BCL9: variants seen among roughly 807,000 people sequenced by gnomAD.
BCL9 encodes the protein B-cell CLL/lymphoma 9 protein.
Under a neutral mutation model 88.5 loss-of-function variants are expected in BCL9, and 25 were observed. That is an observed-to-expected ratio of 0.28 (90% CI 0.21 to 0.39). The LOEUF is 0.39. BCL9 is among the 10% of genes least tolerant of loss of function. The pLI, the probability that BCL9 is intolerant of heterozygous loss-of-function variation, is 1.00. For synonymous variants in BCL9, 711 were observed against 673.3 expected (o/e 1.06, Z -0.87); for missense variants, 1,817 against 1,877.8 (o/e 0.97, Z 0.60).
intron 1 of BCL9, among the ~76,000 whole-genome samples, chr1:147,603,099 C>G (rs1378590986): frequency 1.3e-5 from 2 of 152,252 alleles, no homozygotes; most frequent in Non-Finnish European, 2.9e-5. Context: ...TAGCCCAACT[C>G]TTCCAATTTC....
chr1:147,617,694 A>C (rs1319583298), intron 7 of BCL9, among the ~76,000 whole-genome samples: 2 of 152,236 alleles, frequency 1.3e-5, no homozygotes, highest in African/African-American at 4.8e-5. Flanking sequence ...ACATATTTGC[A>C]CACAGGTAAA....
At chr1:147,613,347 A>G in intron 5 of BCL9, 148 bp downstream of exon 5, 1 of 808,704 alleles carries the variant, frequency 1.2e-6, no homozygotes, top group South Asian at 1.8e-5. Flanking sequence ...TTATGATGGA[A>G]CTATTTCTTC....
At chr1:147,556,836 G>C (rs902686468) in intron 1 of BCL9, among the ~76,000 whole-genome samples, 1 of 152,158 alleles carries the variant, frequency 6.6e-6, no homozygotes, top group South Asian at 2.1e-4. Context: ...TATGACATCT[G>C]TTTCATGTCT....
Position 147,622,423 on chromosome 1 carries a change from C to G in BCL9, c.3055C>G (p.Pro1019Ala). ...MMSRMSKFAM[P>A]SSTPLYHDAI... Reference sequence around the variant, plus strand: ...GTCTCGAATGTCCAAGTTTGCAATGCCCAGTTCCACCCCGTTATACCATGA... The same window carrying G: ...GTCTCGAATGTCCAAGTTTGCAATGGCCAGTTCCACCCCGTTATACCATGA... Residue 1019 changes from proline to alanine, a missense_variant, in exon 9 of 10, where the codon CCC (proline) becomes GCC (alanine). By Grantham distance (27) the Pro-to-Ala change is conservative. This residue lies in a region of BCL9 where 589 missense variants were observed against 686.2 expected (regional missense o/e 0.86). Coordinates refer to ENST00000234739, the MANE Select transcript of BCL9 (RefSeq NM_004326.4). The G allele has an allele frequency of 6.2e-7, 1 of 1,614,170 alleles. No individual in the cohort carries two copies. The highest frequency in any genetic ancestry group is 8.5e-7 in the Non-Finnish European group (1 of 1,180,034).
chr1:147,586,083 T>A (rs1486913345), intron 1 of BCL9, among the ~76,000 whole-genome samples: 1 of 152,162 alleles, frequency 6.6e-6, no homozygotes, highest in Non-Finnish European at 1.5e-5. Flanking sequence ...CTTGGCACTT[T>A]ATCTCTCAAC....
chr1:147,570,568 C>T (rs1553197274), intron 1 of BCL9, among the ~76,000 whole-genome samples: 4 of 151,912 alleles, frequency 2.6e-5, no homozygotes, highest in African/African-American at 9.7e-5. Context: ...GCTTCTGTTC[C>T]TCATCCTATC....
intron 1 of BCL9, among the ~76,000 whole-genome samples, chr1:147,581,160 G>T (rs1656353135): frequency 6.6e-6 from 1 of 152,102 alleles, no homozygotes; most frequent in Non-Finnish European, 1.5e-5. Context: ...GGTATGTCTT[G>T]TCTGGTATGA....
intron 1 of BCL9, among the ~76,000 whole-genome samples, chr1:147,549,133 C>A (rs1553194554): frequency 1.3e-5 from 2 of 151,822 alleles, no homozygotes; most frequent in African/African-American, 4.8e-5. Flanking sequence ...TGCACCATGA[C>A]ACCCAGCTAA....
At chr1:147,591,833 T>G (rs1656856865) in intron 1 of BCL9, among the ~76,000 whole-genome samples, 1 of 152,148 alleles carries the variant, frequency 6.6e-6, no homozygotes, top group African/African-American at 2.4e-5. Flanking sequence ...CGTCCTGCCC[T>G]CCCACTCCCC....
chr1:147,550,880 A>G (rs587752155), intron 1 of BCL9, among the ~76,000 whole-genome samples: 3 of 152,340 alleles, frequency 2.0e-5, no homozygotes, highest in Non-Finnish European at 4.4e-5. Context: ...ATTAAATTAG[A>G]TGGGATCATA....
chr1:147,584,349 A>C (rs1656504471), intron 1 of BCL9, among the ~76,000 whole-genome samples: 1 of 151,606 alleles, frequency 6.6e-6, no homozygotes, highest in Non-Finnish European at 1.5e-5. Context: ...ACCCAGCCGG[A>C]TTCATTTTTA....
At chr1:147,568,103 T>C (rs1655692733) in intron 1 of BCL9, among the ~76,000 whole-genome samples, 1 of 152,200 alleles carries the variant, frequency 6.6e-6, no homozygotes, top group Non-Finnish European at 1.5e-5. Flanking sequence ...CTCACCTACC[T>C]CTGTAATCAA....
At position 147,621,074 on chromosome 1, in the gene BCL9, C is replaced by G; in HGVS notation, c.2902+17C>G. 6.2e-7 allele frequency: 1 copy of G among 1,601,102 alleles called. No homozygotes were observed. Among genetic ancestry groups the G allele is most frequent in the Non-Finnish European group, 8.5e-7 (1 of 1,173,632 alleles). Reference sequence around the variant, plus strand: ...TAGAGTCAGGTCAGTATGCTTGCATCCTCACAGTTGCACCTAGTAGCTGGA... The same window carrying G: ...TAGAGTCAGGTCAGTATGCTTGCATGCTCACAGTTGCACCTAGTAGCTGGA... On this transcript the variant is annotated intron_variant, in intron 8 of 9. Transcript: ENST00000234739.
At position 147,611,712 on chromosome 1, in the gene BCL9, G is replaced by A. The variant is rs782661345; in HGVS notation, c.-125G>A. 24 of 866,614 alleles carry A rather than the reference G, an allele frequency of 2.8e-5. No individual in the cohort carries two copies. Among genetic ancestry groups the A allele is most frequent in the African/African-American group, 5.0e-5 (3 of 60,022 alleles). The allele number at this position is 866,614 out of a possible 1,614,324, so 53.7% of individuals were successfully genotyped here. ...GGAAAAAGGCATACAGGCAGCGAGC[G>A]CTAAGGGACGCACCCAGCAAGCAGT... On this transcript the variant is annotated 5_prime_UTR_variant, in exon 4 of 10. Transcript: ENST00000234739.
chr1:147,574,405 C>T (rs1379998139), intron 1 of BCL9, among the ~76,000 whole-genome samples: 2 of 152,152 alleles, frequency 1.3e-5, no homozygotes, highest in African/African-American at 4.8e-5. Flanking sequence ...AAATGAAGAA[C>T]CTACTGCCAT....
intron 1 of BCL9, among the ~76,000 whole-genome samples, chr1:147,589,465 A>T (rs1553199660): frequency 6.6e-6 from 1 of 152,174 alleles, no homozygotes; most frequent in East Asian, 1.9e-4. Flanking sequence ...CTTTACCCCA[A>T]AAAGATCCCT....
intron 1 of BCL9, among the ~76,000 whole-genome samples, chr1:147,561,807 A>G (rs1655388203): frequency 6.6e-6 from 1 of 152,220 alleles, no homozygotes; most frequent in Admixed American, 6.5e-5. Flanking sequence ...GGAGGTTCAC[A>G]TCTAGTCAGA....
intron 1 of BCL9, among the ~76,000 whole-genome samples, chr1:147,603,254 T>G (rs1657492947): frequency 6.6e-6 from 1 of 152,200 alleles, no homozygotes; most frequent in Admixed American, 6.5e-5. Flanking sequence ...AATGCCTCTC[T>G]CCCTTTAGTG....
chr1:147,577,657 C>T (rs1656170303), intron 1 of BCL9, among the ~76,000 whole-genome samples: 1 of 152,008 alleles, frequency 6.6e-6, no homozygotes, highest in South Asian at 2.1e-4. Context: ...GAGTTGGGCC[C>T]AACTCTTTTT....
Sources: gnomAD v4.1 joint callset for allele counts (sites outside exome capture counted in the v4.1 genomes callset) on GRCh38, gnomAD v4.1.1 for gene constraint, gnomAD v4.1.1 regional missense constraint, MANE v1.5 for transcripts, NCBI Gene and HGNC (gene_info 2026-07-23, HGNC 2026-07-21) for gene names.